CEP112: variants seen among roughly 807,000 people sequenced by gnomAD.
CEP112 encodes the protein centrosomal protein of 112 kDa.
A neutral mutation model predicts 153.0 loss-of-function variants in CEP112; 127 were observed. The observed-to-expected ratio is 0.83, with a 90% CI of 0.72 to 0.96. The LOEUF is 0.96. CEP112 is among the 40% of genes least tolerant of loss of function. CEP112 has a pLI of 0.00. For synonymous variants in CEP112, 358 were observed against 374.4 expected, an observed-to-expected ratio of 0.96 and a Z score of 0.51; for missense variants, 1,089 against 1,101.2, an observed-to-expected ratio of 0.99 and a Z score of 0.16.
At chr17:65,651,057 C>T (rs2045746843) in intron 24 of CEP112, among the ~76,000 whole-genome samples, 2 of 152,048 alleles carry the variant, frequency 1.3e-5, no homozygotes, top group Non-Finnish European at 2.9e-5. Context: ...GTACACTGAA[C>T]CCAGTGTATA....
At chr17:66,004,439 C>T (rs931485283) in intron 17 of CEP112, among the ~76,000 whole-genome samples, 4 of 152,012 alleles carry the variant, frequency 2.6e-5, no homozygotes, top group Admixed American at 1.3e-4. Flanking sequence ...TGCAGTGAGC[C>T]GAGATCGCAC....
chr17:65,940,767 A>G (rs1249912453), intron 18 of CEP112, among the ~76,000 whole-genome samples: 1 of 152,170 alleles, frequency 6.6e-6, no homozygotes, highest in African/African-American at 2.4e-5. Context: ...GATACTGTTC[A>G]AAGGGTACAA....
intron 8 of CEP112, among the ~76,000 whole-genome samples, chr17:66,095,030 C>A (rs371280284): frequency 6.6e-6 from 1 of 152,058 alleles, no homozygotes; most frequent in South Asian, 2.1e-4. Flanking sequence ...AAAAAAGAAC[C>A]CTTGCCCAGT....
At chr17:65,826,458 C>G in intron 21 of CEP112, 1 of 1,507,622 alleles carries the variant, frequency 6.6e-7, no homozygotes, top group Admixed American at 2.6e-5. Flanking sequence ...GTCTGAGATT[C>G]CCCACCACAA....
chr17:66,070,074 A>G, intron 8 of CEP112, 73 bp from the exon 9 acceptor site: 1 of 759,932 alleles, frequency 1.3e-6, no homozygotes, highest in Non-Finnish European at 2.2e-6. Context: ...TTAAACTAAA[A>G]TAATTCCCTA....
At chr17:65,682,400 T>G (rs1178301437) in intron 24 of CEP112, among the ~76,000 whole-genome samples, 1 of 152,182 alleles carries the variant, frequency 6.6e-6, no homozygotes, top group Non-Finnish European at 1.5e-5. Flanking sequence ...GTGATGTGAA[T>G]TTTAGGCCAT....
At chr17:65,914,692 G>A (rs746570593) in intron 19 of CEP112, among the ~76,000 whole-genome samples, 1 of 151,972 alleles carries the variant, frequency 6.6e-6, no homozygotes, top group Non-Finnish European at 1.5e-5. Flanking sequence ...ATCACTCTCT[G>A]CATCATCAAT....
At chr17:66,119,192 A>AG (rs1491440860) in intron 6 of CEP112, among the ~76,000 whole-genome samples, 2 of 152,092 alleles carry the variant, frequency 1.3e-5, no homozygotes, top group Non-Finnish European at 2.9e-5. Flanking sequence ...GGGGCCTGTC[A>AG]GGGGAGGCTA....
chr17:65,705,231 T>C (rs1348712241), intron 23 of CEP112, among the ~76,000 whole-genome samples: 6 of 152,250 alleles, frequency 3.9e-5, no homozygotes. Context: ...AATTTTCAGA[T>C]ATAAGAATCT....
At chr17:65,987,566 C>T (rs1158686911) in intron 17 of CEP112, among the ~76,000 whole-genome samples, 1 of 152,154 alleles carries the variant, frequency 6.6e-6, no homozygotes, top group Non-Finnish European at 1.5e-5. Flanking sequence ...AAGAGAATTA[C>T]ATCTGATTCA....
chr17:65,690,097 A>C (rs561037716), intron 23 of CEP112, among the ~76,000 whole-genome samples: 5 of 137,676 alleles, frequency 3.6e-5, no homozygotes, highest in Admixed American at 2.4e-4. Context: ...AGACATAGCA[A>C]TGAAAGAAAA....
intron 21 of CEP112, among the ~76,000 whole-genome samples, chr17:65,760,963 C>A (rs35472390): frequency 6.6e-6 from 1 of 151,852 alleles, no homozygotes; most frequent in Non-Finnish European, 1.5e-5. Flanking sequence ...TCTTTTTCTG[C>A]CTGTGCGAGT....
chr17:65,722,288 G>T (rs985322490), intron 23 of CEP112, among the ~76,000 whole-genome samples: 1 of 152,086 alleles, frequency 6.6e-6, no homozygotes, highest in African/African-American at 2.4e-5. Context: ...TCCCTTTGTT[G>T]CCCAGGCTGG....
chr17:66,020,064 A>G (rs1284819286), intron 16 of CEP112, among the ~76,000 whole-genome samples: 1 of 152,198 alleles, frequency 6.6e-6, no homozygotes, highest in Non-Finnish European at 1.5e-5. Context: ...TCCTCACTAC[A>G]GCCTGTCTGT....
Position 66,167,432 on chromosome 17 carries a change from A to G in CEP112, c.470+7612T>C, listed in dbSNP as rs888279710. On this transcript the variant is annotated intron_variant, in intron 4 of 26. Coordinates refer to ENST00000535342, the MANE Select transcript of CEP112 (RefSeq NM_001199165.4). Reference sequence around the variant, plus strand: ...GGAGATAGTGGTAGTACTAACCCCGAAGTTAGTACTACCACTATCTCCATT... The same window carrying G: ...GGAGATAGTGGTAGTACTAACCCCGGAGTTAGTACTACCACTATCTCCATT... Among the ~76,000 whole-genome samples, 97 of 149,104 alleles carry G rather than the reference A, an allele frequency of 6.5e-4. 1 individual carries two copies. Among genetic ancestry groups the G allele is most frequent in the Non-Finnish European group, 4.3e-4 (29 of 67,376 alleles).
chr17:65,672,197 T>C (rs1414086422), intron 24 of CEP112, among the ~76,000 whole-genome samples: 1 of 152,050 alleles, frequency 6.6e-6, no homozygotes, highest in African/African-American at 2.4e-5. Flanking sequence ...TGGGAATAAG[T>C]TTAATAAGAA....
intron 4 of CEP112, among the ~76,000 whole-genome samples, chr17:66,142,793 G>A (rs1297986363): frequency 5.3e-5 from 8 of 152,038 alleles, no homozygotes; most frequent in South Asian, 4.2e-4. Flanking sequence ...TCATTTCTCC[G>A]GCTTTGTTCT....
chr17:65,977,966 T>C (rs1846732796), intron 17 of CEP112, among the ~76,000 whole-genome samples: 1 of 152,136 alleles, frequency 6.6e-6, no homozygotes, highest in Non-Finnish European at 1.5e-5. Flanking sequence ...TCCCAGCTAC[T>C]CAGGGGGCTG....
chr17:65,728,349 T>C (rs2050301593), intron 23 of CEP112, among the ~76,000 whole-genome samples: 2 of 152,176 alleles, frequency 1.3e-5, no homozygotes, highest in Non-Finnish European at 2.9e-5. Context: ...AAAGGGACTT[T>C]AAGAGAATAG....
Sources: allele counts gnomAD v4.1 joint callset (sites outside exome capture counted in the v4.1 genomes callset), GRCh38; gene constraint gnomAD v4.1.1; transcripts MANE v1.5; gene names NCBI Gene and HGNC (gene_info 2026-07-23, HGNC 2026-07-21).